ING5: variants seen among roughly 807,000 people sequenced by gnomAD.
The protein encoded by ING5 is inhibitor of growth protein 5.
Under a neutral mutation model 37.4 loss-of-function variants are expected in ING5, and 17 were observed. That is an observed-to-expected ratio of 0.45 (90% CI 0.31 to 0.68). ING5 has a LOEUF of 0.68. ING5 is among the 30% of genes least tolerant of loss of function. The probability of loss-of-function intolerance (pLI) is 0.05; values close to 1 mark genes in which losing one functional copy is unlikely to be tolerated. For synonymous variants in ING5, 123 were observed against 116.6 expected, an observed-to-expected ratio of 1.06 and a Z score of -0.36; for missense variants, 233 against 311.9, an observed-to-expected ratio of 0.75 and a Z score of 1.91.
At chr2:241,690,401 G>A in exon 2 of ING5, 2 of 387,996 alleles carry the variant, frequency 5.2e-6, no homozygotes, top group Non-Finnish European at 9.1e-6. Context: ...GGCAGGAGCT[G>A]CTCCCGTGAC....
upstream of ING5, chr2:241,702,035 G>A (rs1449447437): frequency 7.3e-7 from 1 of 1,360,556 alleles, no homozygotes; most frequent in Non-Finnish European, 9.5e-7. Context: ...CCGCCCGCCC[G>A]CGCAGACCCC....
chr2:241,715,325 G>C (rs1244317933), intron 5 of ING5, among the ~76,000 whole-genome samples: 1 of 151,988 alleles, frequency 6.6e-6, no homozygotes, highest in Non-Finnish European at 1.5e-5. Flanking sequence ...CTCCCAAGTA[G>C]CTGGGACCAC....
chr2:241,688,452 G>A lies in ING5; in HGVS notation c.-774+390G>A, dbSNP rs140664167. ...CTGAGGTCATTGGCAACAATTTCCC[G>A]GACTTTACTCCCAGCATTTGTGTAA... On this transcript the variant is annotated intron_variant, in intron 1 of 7. Coordinates refer to the ING5 transcript ENST00000636051. Among the ~76,000 whole-genome samples, 13 of 152,212 alleles carry A rather than the reference G, an allele frequency of 8.5e-5. No individual in the cohort carries two copies. The East Asian group carries it at 1.3e-3, about 16-fold the overall frequency.
chr2:241,722,014 G>T (rs1385376948), intron 5 of ING5: 1 of 985,448 alleles, frequency 1.0e-6, no homozygotes, highest in Non-Finnish European at 1.2e-6. Flanking sequence ...GTGCCAGGTG[G>T]ACAGCTGGGT....
chr2:241,687,752 C>T, exon 1 of ING5: 1 of 159,964 alleles, frequency 6.3e-6, no homozygotes, highest in African/African-American at 2.4e-5. Flanking sequence ...TGGTCTTGAT[C>T]TGACCTCGTG....
intron 5 of ING5, among the ~76,000 whole-genome samples, chr2:241,716,210 G>C (rs777670554): frequency 1.3e-4 from 19 of 148,212 alleles, no homozygotes; most frequent in Non-Finnish European, 2.1e-4. Context: ...CTCCTTTGCT[G>C]TCTTCTTTTG....
intron 5 of ING5, among the ~76,000 whole-genome samples, chr2:241,714,051 C>T (rs931919011): frequency 4.0e-5 from 6 of 151,652 alleles, no homozygotes; most frequent in South Asian, 2.1e-4. Flanking sequence ...TACAGAAAAC[C>T]GCACAGAACA....
chr2:241,712,121 G>A (rs538304643), intron 5 of ING5, 50 bp downstream of exon 5: 4 of 1,395,130 alleles, frequency 2.9e-6, no homozygotes, highest in African/African-American at 1.5e-5. Context: ...CCCATAGCCT[G>A]TATCCCGGAT....
chr2:241,699,323 C>G (rs990739614), upstream of ING5, among the ~76,000 whole-genome samples: 1 of 152,132 alleles, frequency 6.6e-6, no homozygotes, highest in African/African-American at 2.4e-5. Flanking sequence ...CCATGCCTGG[C>G]CTGAATTTTT....
exon 1 of ING5, chr2:241,687,409 G>A: frequency 2.5e-6 from 1 of 399,044 alleles, no homozygotes; most frequent in Non-Finnish European, 4.4e-6. Flanking sequence ...GGCAGGATGG[G>A]GGGCTGTGTA....
At chr2:241,711,737 C>T (rs946534441) in intron 4 of ING5, 2 of 568,936 alleles carry the variant, frequency 3.5e-6, no homozygotes, top group African/African-American at 1.9e-5. Context: ...CTCATCTCAA[C>T]AAAAAATTTA....
upstream of ING5, among the ~76,000 whole-genome samples, chr2:241,701,665 CA>C (rs2069728929): frequency 6.6e-6 from 1 of 152,182 alleles, no homozygotes; most frequent in Admixed American, 6.5e-5. Flanking sequence ...CGGCCGGGAG[CA>C]GGGGTCGCGT....
At chr2:241,709,526 C>A in intron 3 of ING5, 144 bp downstream of exon 3, 2 of 667,172 alleles carry the variant, frequency 3.0e-6, no homozygotes, top group Non-Finnish European at 5.2e-6. Flanking sequence ...GAAGTGCAGA[C>A]GGAATACACT....
chr2:241,704,777 C>T (rs2069851885), intron 2 of ING5, 53 bp downstream of exon 2: 3 of 1,458,462 alleles, frequency 2.1e-6, no homozygotes, highest in Non-Finnish European at 2.9e-6. Flanking sequence ...AGGTGGGAGC[C>T]AGCAGCTCCT....
chr2:241,696,983 G>C lies in ING5; in HGVS notation c.43+6330G>C, dbSNP rs1042725759. On this transcript the variant is annotated intron_variant, in intron 2 of 7. Coordinates refer to the ING5 transcript ENST00000636051. Reference sequence around the variant, plus strand: ...TGTAATCCCAGCTGCTTGGGAGGAAGAGGCAGGAGAATCGCTTTAACCCAG... The same window carrying C: ...TGTAATCCCAGCTGCTTGGGAGGAACAGGCAGGAGAATCGCTTTAACCCAG... Among the ~76,000 whole-genome samples the C allele has an allele frequency of 5.8e-4, 88 of 152,094 alleles. 1 individual carries two copies. Among genetic ancestry groups the C allele is most frequent in the African/African-American group, 2.1e-3 (85 of 41,406 alleles).
upstream of ING5, among the ~76,000 whole-genome samples, chr2:241,698,253 G>A (rs1372949425): frequency 1.3e-5 from 2 of 151,990 alleles, no homozygotes; most frequent in Admixed American, 6.6e-5. Context: ...GACCATCCTG[G>A]CTAACACGGT....
Position 241,725,828 on chromosome 2 carries a change from CTG to C in ING5, c.*803_*804del, listed in dbSNP as rs34383438. ...CCCTAATAGCATGAAGATCGTGGGTCTGTGTGTCCGTGAAGTGAGTCCCGTCT... is the reference window on the plus strand; with the variant it reads ...CCCTAATAGCATGAAGATCGTGGGTCTGTGTCCGTGAAGTGAGTCCCGTCT... On this transcript the variant is annotated 3_prime_UTR_variant, in exon 8 of 8. Transcript: ENST00000313552. The C allele has an allele frequency of 0.11, 16,774 of 152,618 alleles. 890 individuals are homozygous for C. The highest frequency in any genetic ancestry group is 0.13 in the South Asian group (621 of 4,826). 9.5% of individuals were successfully genotyped at this position (152,618 alleles called of 1,614,324 possible).
At chr2:241,722,166 G>A (rs1270289014) in intron 5 of ING5, 1 of 985,290 alleles carries the variant, frequency 1.0e-6, no homozygotes, top group Non-Finnish European at 1.2e-6. Context: ...TTACGGGAGA[G>A]CTGTTGACTG....
chr2:241,720,796 G>A (rs1379823504), intron 5 of ING5: 1 of 985,616 alleles, frequency 1.0e-6, no homozygotes, highest in Non-Finnish European at 1.2e-6. Context: ...CCTGGCCTGT[G>A]CAAGGGACAG....
Sources: gnomAD v4.1 joint callset for allele counts (sites outside exome capture counted in the v4.1 genomes callset) on GRCh38, gnomAD v4.1.1 for gene constraint, MANE v1.5 for transcripts, NCBI Gene and HGNC (gene_info 2026-07-23, HGNC 2026-07-21) for gene names.